AOAH: variants seen among roughly 807,000 people sequenced by gnomAD.
AOAH encodes the protein acyloxyacyl hydrolase (neutrophil).
A neutral mutation model predicts 92.2 loss-of-function variants in AOAH; 64 were observed. The ratio of observed to expected loss-of-function variants is 0.69; its 90% CI spans 0.57 to 0.86. AOAH has a LOEUF of 0.86. Among genes scored for constraint, AOAH ranks in the 40% least tolerant of loss-of-function variants. The probability of loss-of-function intolerance (pLI) is 0.00; values close to 1 mark genes in which losing one functional copy is unlikely to be tolerated. For missense variants in AOAH, 656 were observed against 694.6 expected (o/e 0.94, Z 0.62); for synonymous variants, 263 against 254.5 (o/e 1.03, Z -0.32).
At position 36,652,100 on chromosome 7, in the gene AOAH, C is replaced by T. The variant is rs566793369; in HGVS notation, c.390+7066G>A. On this transcript the variant is annotated intron_variant, in intron 4 of 20. Transcript: ENST00000617537. ...CCAGTAAAAGGAACCAGGTCTCCTT[C>T]GGGACATGCTGATTCAAGGACAGGG... Among the ~76,000 whole-genome samples the T allele has an allele frequency of 9.2e-5, 14 of 152,124 alleles. No homozygotes were observed. The South Asian group carries it at 1.5e-3, about 16-fold the overall frequency.
intron 1 of AOAH, among the ~76,000 whole-genome samples, chr7:36,693,628 C>CTTCA (rs1797540421): frequency 1.3e-5 from 2 of 152,018 alleles, no homozygotes; most frequent in Admixed American, 1.3e-4. Context: ...TCCTGTGATA[C>CTTCA]TTCAAGTTTG....
intron 4 of AOAH, among the ~76,000 whole-genome samples, chr7:36,645,562 A>G (rs781210719): frequency 3.9e-5 from 6 of 152,170 alleles, no homozygotes; most frequent in Non-Finnish European, 7.4e-5. Flanking sequence ...GTTTTTATCA[A>G]ATAGTGGCAT....
intron 13 of AOAH, 75 bp downstream of exon 13, chr7:36,576,499 G>T: frequency 1.2e-6 from 1 of 837,406 alleles, no homozygotes; most frequent in Non-Finnish European, 1.9e-6. Context: ...CTGAATCTCA[G>T]CTTTTGAGGT....
At chr7:36,651,341 G>GTCTC (rs1275093715) in intron 4 of AOAH, among the ~76,000 whole-genome samples, 1 of 152,196 alleles carries the variant, frequency 6.6e-6, no homozygotes, top group African/African-American at 2.4e-5. Flanking sequence ...CTTCAGGAAA[G>GTCTC]TCTCTCAGTT....
intron 12 of AOAH, among the ~76,000 whole-genome samples, chr7:36,593,338 T>C (rs2727803): frequency 0.43 from 65,488 of 152,106 alleles, 14,434 homozygotes; most frequent in Middle Eastern, 0.52. Context: ...CACACAATGT[T>C]CTTTGTTCAT....
At chr7:36,515,192 CACACCACACACAA>C (rs1328652986) in intron 20 of AOAH, among the ~76,000 whole-genome samples, 1 of 137,294 alleles carries the variant, frequency 7.3e-6, no homozygotes, top group African/African-American at 2.8e-5. Flanking sequence ...ATACCCCCCA[CACACCACACACAA>C]ACACCACACA....
chr7:36,649,242 C>G (rs774850366), intron 4 of AOAH, among the ~76,000 whole-genome samples: 1 of 152,172 alleles, frequency 6.6e-6, no homozygotes, highest in Non-Finnish European at 1.5e-5. Flanking sequence ...CTCTGGAAAG[C>G]TGGAGGGGAA....
intron 12 of AOAH, among the ~76,000 whole-genome samples, chr7:36,589,944 T>A (rs1324993554): frequency 6.6e-6 from 1 of 152,138 alleles, no homozygotes; most frequent in Non-Finnish European, 1.5e-5. Flanking sequence ...TTTTTACTTT[T>A]TTATTTTTAC....
At position 36,648,629 on chromosome 7, in the gene AOAH, CT is replaced by C. The variant is rs751147956; in HGVS notation, c.390+10536del. On this transcript the variant is annotated intron_variant, in intron 4 of 20. Transcript: ENST00000617537. ...CAATTGCTCAGGTTTTTTATGGTTC[CT>C]TTTTTTTTTTTTTAAGTGATTCAGT... Among the ~76,000 whole-genome samples, 894 of 130,970 alleles carry C rather than the reference CT, an allele frequency of 6.8e-3. 2 individuals carry two copies. Among genetic ancestry groups the C allele is most frequent in the African/African-American group, 0.011 (403 of 36,030 alleles). 85.9% of individuals were successfully genotyped at this position (130,970 alleles called of 152,430 possible). A position where few individuals can be genotyped will look rare whatever the true frequency, so the allele number is the denominator to read the frequency against.
chr7:36,544,604 C>A (rs1476621403), intron 15 of AOAH, among the ~76,000 whole-genome samples: 1 of 152,172 alleles, frequency 6.6e-6, no homozygotes, highest in African/African-American at 2.4e-5. Context: ...AGGGGCCACA[C>A]TGGGGAAAAT....
At chr7:36,549,672 C>A (rs759425783) in intron 13 of AOAH, among the ~76,000 whole-genome samples, 197 bp from the exon 14 acceptor site, 3 of 152,112 alleles carry the variant, frequency 2.0e-5, no homozygotes, top group Non-Finnish European at 2.9e-5. Context: ...TCCTTAAGGG[C>A]TTTTCTGTTT....
At chr7:36,662,327 G>T (rs141066306) in intron 3 of AOAH, among the ~76,000 whole-genome samples, 1 of 152,204 alleles carries the variant, frequency 6.6e-6, no homozygotes, top group Non-Finnish European at 1.5e-5. Flanking sequence ...GAAATGCAGC[G>T]TTCATCGTGA....
At chr7:36,605,056 G>T (rs1231280608) in intron 11 of AOAH, among the ~76,000 whole-genome samples, 1 of 152,058 alleles carries the variant, frequency 6.6e-6, no homozygotes, top group Non-Finnish European at 1.5e-5. Context: ...CATCACTAAT[G>T]ACCTAATTTA....
chr7:36,540,189 C>G, intron 16 of AOAH, 130 bp downstream of exon 16: 1 of 860,546 alleles, frequency 1.2e-6, no homozygotes, highest in Non-Finnish European at 1.7e-6. Flanking sequence ...GGGGCTCTTG[C>G]CTTTATCAAC....
intron 2 of AOAH, among the ~76,000 whole-genome samples, chr7:36,676,967 C>T (rs766360078): frequency 1.3e-5 from 2 of 151,736 alleles, no homozygotes; most frequent in East Asian, 1.9e-4. Flanking sequence ...GAGTGAAAAC[C>T]GTAAAATTCA....
intron 5 of AOAH, among the ~76,000 whole-genome samples, chr7:36,634,223 CAAAG>C (rs1018073637): frequency 6.6e-6 from 1 of 152,096 alleles, no homozygotes; most frequent in Admixed American, 6.5e-5. Context: ...TTTCTGCCTC[CAAAG>C]AAAGAAACAG....
At chr7:36,640,253 C>T (rs992546067) in intron 4 of AOAH, among the ~76,000 whole-genome samples, 1 of 152,122 alleles carries the variant, frequency 6.6e-6, no homozygotes. Flanking sequence ...TACTCAGCAC[C>T]CACTTCCAAA....
At chr7:36,632,886 G>GTACT (rs1261933045) in intron 5 of AOAH, among the ~76,000 whole-genome samples, 1 of 152,218 alleles carries the variant, frequency 6.6e-6, no homozygotes, top group African/African-American at 2.4e-5. Context: ...TATAAATGAG[G>GTACT]TACTTAAGGA....
At chr7:36,657,824 G>C (rs754229648) in intron 4 of AOAH, among the ~76,000 whole-genome samples, 8 of 152,190 alleles carry the variant, frequency 5.3e-5, no homozygotes, top group Non-Finnish European at 1.0e-4. Flanking sequence ...ACTCTAGAGA[G>C]TATAAAAATA....
Sources: allele counts gnomAD v4.1 joint callset (sites outside exome capture counted in the v4.1 genomes callset), GRCh38; gene constraint gnomAD v4.1.1; transcripts MANE v1.5; gene names NCBI Gene and HGNC (gene_info 2026-07-23, HGNC 2026-07-21).